GULP1: variants seen among roughly 807,000 people sequenced by gnomAD.
GULP1 encodes the protein PTB domain-containing engulfment adapter protein 1.
In GULP1, 19 loss-of-function variants were observed where a neutral mutation model predicts 40.9. That is an observed-to-expected ratio of 0.46 (90% confidence interval 0.32 to 0.68). GULP1 has a LOEUF of 0.68. Among genes scored for constraint, GULP1 ranks in the 30% least tolerant of loss-of-function variants. The pLI is 0.03. For synonymous variants in GULP1, 119 were observed against 117.6 expected, an observed-to-expected ratio of 1.01 and a Z score of -0.08; for missense variants, 312 against 362.2, an observed-to-expected ratio of 0.86 and a Z score of 1.12.
intron 1 of GULP1, among the ~76,000 whole-genome samples, chr2:188,370,359 T>C (rs2047439018): frequency 6.6e-6 from 1 of 152,178 alleles, no homozygotes; most frequent in South Asian, 2.1e-4. Flanking sequence ...AACTTGCTCT[T>C]GGTTGACCTT....
intron 7 of GULP1, among the ~76,000 whole-genome samples, chr2:188,556,383 C>T (rs1211610345): frequency 6.6e-6 from 1 of 152,006 alleles, no homozygotes; most frequent in East Asian, 1.9e-4. Context: ...TAGAATTTCT[C>T]TTTCGTTCTT....
Position 188,299,389 on chromosome 2 carries a change from C to T in GULP1, c.-172+7223C>T, listed in dbSNP as rs137872476. 9.2e-3 allele frequency among the ~76,000 whole-genome samples: 1,404 copies of T among 152,264 alleles called. 12 individuals carry two copies. Among genetic ancestry groups the T allele is most frequent in the Non-Finnish European group, 0.011 (736 of 68,012 alleles). ...AGCTCAATATACTAACATATTGGTT[C>T]TTTGAAGAGGAATTTACTGTATCCT... On this transcript the variant is annotated intron_variant, in intron 1 of 11. Transcript: ENST00000409830.
chr2:188,365,023 C>G (rs1002423276), intron 1 of GULP1, among the ~76,000 whole-genome samples: 1 of 151,946 alleles, frequency 6.6e-6, no homozygotes, highest in Non-Finnish European at 1.5e-5. Context: ...GGACTTTAAT[C>G]AGTGATCTAA....
intron 4 of GULP1, among the ~76,000 whole-genome samples, chr2:188,511,680 A>G (rs2064561507): frequency 6.6e-6 from 1 of 152,176 alleles, no homozygotes; most frequent in South Asian, 2.1e-4. Context: ...TTAAACATGG[A>G]AATTGTATTT....
At chr2:188,489,104 G>GA (rs943048279) in intron 4 of GULP1, among the ~76,000 whole-genome samples, 1 of 151,892 alleles carries the variant, frequency 6.6e-6, no homozygotes, top group South Asian at 2.1e-4. Context: ...TGACCTAATT[G>GA]AAAAAAATTC....
At chr2:188,449,619 G>A (rs1262355977) in intron 2 of GULP1, among the ~76,000 whole-genome samples, 2 of 152,174 alleles carry the variant, frequency 1.3e-5, no homozygotes, top group African/African-American at 2.4e-5. Context: ...CAATGATGAA[G>A]CTAAAAATTA....
chr2:188,551,337 T>C (rs562292112), intron 7 of GULP1, among the ~76,000 whole-genome samples: 1 of 151,830 alleles, frequency 6.6e-6, no homozygotes, highest in South Asian at 2.1e-4. Context: ...CATTTATTCT[T>C]CTCAGGCTCT....
rs537237124 is a variant in GULP1 at position 188,335,445 on chromosome 2, T to A, written c.-172+43279T>A. ...AACCCTTTTAATCCTGGTTACCTCA[T>A]CTTCACCCTACAGCTAGGTTTCTGC... On this transcript the variant is annotated intron_variant, in intron 1 of 11. Transcript: ENST00000409830. Among the ~76,000 whole-genome samples, 10 of 152,276 alleles carry A rather than the reference T, an allele frequency of 6.6e-5. No homozygotes were observed. The South Asian group carries it at 1.7e-3, about 25-fold the overall frequency.
At chr2:188,440,650 C>T (rs992927657) in intron 2 of GULP1, among the ~76,000 whole-genome samples, 3 of 152,192 alleles carry the variant, frequency 2.0e-5, no homozygotes, top group African/African-American at 7.2e-5. Context: ...CTGCAACCTT[C>T]GCCTCCTGGG....
chr2:188,421,408 G>A (rs965876764), intron 2 of GULP1, among the ~76,000 whole-genome samples: 2 of 151,978 alleles, frequency 1.3e-5, no homozygotes, highest in Admixed American at 6.6e-5. Context: ...AAATATATAT[G>A]TATAAAACAA....
At chr2:188,421,205 A>G (rs2055356292) in intron 2 of GULP1, among the ~76,000 whole-genome samples, 1 of 152,212 alleles carries the variant, frequency 6.6e-6, no homozygotes. Flanking sequence ...TTCAGTAAAG[A>G]TGCATGTTAC....
chr2:188,526,453 AAATAG>A (rs1686179830), intron 5 of GULP1, among the ~76,000 whole-genome samples: 1 of 152,170 alleles, frequency 6.6e-6, no homozygotes, highest in Non-Finnish European at 1.5e-5. Context: ...AATAGGGAGA[AAATAG>A]AATATAATGT....
chr2:188,399,703 A>AAC (rs1553540254), intron 2 of GULP1, among the ~76,000 whole-genome samples: 1 of 149,730 alleles, frequency 6.7e-6, no homozygotes, highest in Middle Eastern at 3.2e-3. Context: ...AAAAAAAAAA[A>AAC]AAAAAAAAAA....
intron 9 of GULP1, among the ~76,000 whole-genome samples, chr2:188,583,790 C>A (rs1316723794): frequency 6.6e-6 from 1 of 151,536 alleles, no homozygotes; most frequent in Non-Finnish European, 1.5e-5. Flanking sequence ...TTTGAGAATG[C>A]AAAAAAAATC....
chr2:188,529,045 C>A, intron 5 of GULP1, 52 bp from the exon 6 acceptor site: 2 of 846,102 alleles, frequency 2.4e-6, no homozygotes, highest in South Asian at 1.6e-5. Flanking sequence ...TATTTTTGTT[C>A]ATTCTTTATA....
chr2:188,398,228 C>T (rs1241740744), intron 2 of GULP1, among the ~76,000 whole-genome samples: 6 of 152,220 alleles, frequency 3.9e-5, no homozygotes, highest in African/African-American at 7.2e-5. Context: ...GAAAGTGCTA[C>T]GTTTCCAACA....
intron 5 of GULP1, among the ~76,000 whole-genome samples, chr2:188,526,200 C>T (rs1273067751): frequency 6.6e-6 from 1 of 152,138 alleles, no homozygotes; most frequent in East Asian, 1.9e-4. Flanking sequence ...TCAAGTACTA[C>T]TCCATCCTTC....
intron 1 of GULP1, among the ~76,000 whole-genome samples, chr2:188,372,942 G>A (rs919366249): frequency 7.2e-5 from 11 of 152,010 alleles, no homozygotes; most frequent in Non-Finnish European, 1.0e-4. Context: ...TCCCTTCTGC[G>A]TTTTATCCTT....
chr2:188,558,582 A>T (rs188946417), intron 7 of GULP1, among the ~76,000 whole-genome samples: 1 of 152,310 alleles, frequency 6.6e-6, no homozygotes, highest in Non-Finnish European at 1.5e-5. Flanking sequence ...GTGGCTTTGG[A>T]ACTGGGTAAC....
Sources: allele counts gnomAD v4.1 joint callset (sites outside exome capture counted in the v4.1 genomes callset), GRCh38; gene constraint gnomAD v4.1.1; transcripts MANE v1.5; gene names NCBI Gene and HGNC (gene_info 2026-07-23, HGNC 2026-07-21).